The following GRM8 variants were observed in gnomAD, a reference collection of about 807,000 sequenced individuals.
GRM8 encodes the protein glutamate metabotropic receptor 8.
Under a neutral mutation model 87.2 loss-of-function variants are expected in GRM8, and 47 were observed. The observed-to-expected ratio is 0.54, with a 90% CI of 0.43 to 0.69. GRM8 has a LOEUF of 0.69. Ranked by LOEUF, GRM8 falls within the 30% of genes least tolerant of loss-of-function variation. The pLI, the probability that GRM8 is intolerant of heterozygous loss-of-function variation, is 0.00. For synonymous variants in GRM8, 396 were observed against 404.5 expected, an observed-to-expected ratio of 0.98 and a Z score of 0.25; for missense variants, 1,019 against 1,139.2, an observed-to-expected ratio of 0.89 and a Z score of 1.52.
chr7:126,695,679 T>G (rs1809309188), intron 7 of GRM8, among the ~76,000 whole-genome samples: 1 of 152,212 alleles, frequency 6.6e-6, no homozygotes, highest in Non-Finnish European at 1.5e-5. Context: ...ATTAAGGTTT[T>G]TATTCGGCTT....
intron 7 of GRM8, among the ~76,000 whole-genome samples, chr7:126,664,389 C>T (rs1336943928): frequency 1.3e-5 from 2 of 152,144 alleles, no homozygotes; most frequent in Non-Finnish European, 2.9e-5. Context: ...TCAAACTATA[C>T]TTTAAGGCTA....
rs145470618 is a variant in GRM8, at chr7:127,073,753, G to A, written c.727+32743C>T. 3.4e-3 allele frequency among the ~76,000 whole-genome samples: 524 copies of A among 152,224 alleles called. 18 individuals are homozygous for A. Among genetic ancestry groups the A allele is most frequent in the Admixed American group, 0.029 (450 of 15,288 alleles). On this transcript the variant is annotated intron_variant, in intron 3 of 10. Transcript: ENST00000339582. ...GAGCAAGCCACCAGATGGAGGGCTCGAAGAGAGACCCAGCCCCAGAGGATC... is the reference window on the plus strand; with the variant it reads ...GAGCAAGCCACCAGATGGAGGGCTCAAAGAGAGACCCAGCCCCAGAGGATC...
intron 9 of GRM8, among the ~76,000 whole-genome samples, chr7:126,472,785 C>T (rs192416126): frequency 6.6e-6 from 1 of 152,164 alleles, no homozygotes; most frequent in Non-Finnish European, 1.5e-5. Context: ...TGGGCAGAGC[C>T]CAGGGCCCTA....
chr7:127,103,125 G>A (rs1375527577), intron 3 of GRM8, among the ~76,000 whole-genome samples: 4 of 152,188 alleles, frequency 2.6e-5, no homozygotes, highest in Non-Finnish European at 4.4e-5. Context: ...TTACAGGCAT[G>A]AGCCATCACA....
intron 3 of GRM8, among the ~76,000 whole-genome samples, chr7:127,005,674 A>G (rs1032435707): frequency 6.6e-6 from 1 of 151,726 alleles, no homozygotes; most frequent in African/African-American, 2.4e-5. Flanking sequence ...CCTCTCCACG[A>G]CTACTCCATG....
At chr7:126,537,295 CTT>C (rs59527889) in intron 8 of GRM8, among the ~76,000 whole-genome samples, 4,820 of 152,150 alleles carry the variant, frequency 0.032, 171 homozygotes, top group African/African-American at 0.092. Flanking sequence ...ATATGCATGA[CTT>C]AATTTTCATC....
chr7:126,924,308 T>C (rs1804857231), intron 3 of GRM8, among the ~76,000 whole-genome samples: 1 of 152,232 alleles, frequency 6.6e-6, no homozygotes, highest in Non-Finnish European at 1.5e-5. Flanking sequence ...AAATATTCAT[T>C]TTAAATCTCA....
intron 2 of GRM8, among the ~76,000 whole-genome samples, chr7:127,176,945 G>A (rs1794144024): frequency 6.6e-6 from 1 of 152,172 alleles, no homozygotes; most frequent in African/African-American, 2.4e-5. Flanking sequence ...AACTCCACAG[G>A]AGGAAGAAAA....
chr7:126,475,471 CA>C (rs1805789975), intron 9 of GRM8, among the ~76,000 whole-genome samples: 1 of 151,732 alleles, frequency 6.6e-6, no homozygotes, highest in African/African-American at 2.4e-5. Context: ...AAGAAAGACA[CA>C]AAAAAGTTGA....
intron 3 of GRM8, among the ~76,000 whole-genome samples, chr7:127,074,858 C>A (rs921671293): frequency 6.6e-6 from 1 of 152,168 alleles, no homozygotes; most frequent in East Asian, 1.9e-4. Context: ...CAGAGTCAAG[C>A]CCTGCCTAGG....
rs866685778 is a variant in GRM8, at chr7:127,015,058, G to C, written c.727+91438C>G. Among the ~76,000 whole-genome samples the C allele has an allele frequency of 3.5e-4, 38 of 108,462 alleles. 1 individual carries two copies. Among genetic ancestry groups the C allele is most frequent in the African/African-American group, 5.1e-4 (16 of 31,320 alleles). The allele number at this position is 108,462 out of a possible 152,430, so 71.2% of individuals were successfully genotyped here. Reference sequence around the variant, plus strand: ...AGAAGAAGAAGAAGAAGAAGAAGAAGAAGAAGAAGAAAGAAAGAAGGAGAA... The same window carrying C: ...AGAAGAAGAAGAAGAAGAAGAAGAACAAGAAGAAGAAAGAAAGAAGGAGAA... On this transcript the variant is annotated intron_variant, in intron 3 of 10. Coordinates refer to ENST00000339582, the MANE Select transcript of GRM8 (RefSeq NM_000845.3).
At chr7:126,852,958 G>A (rs1297713178) in intron 6 of GRM8, among the ~76,000 whole-genome samples, 1 of 152,116 alleles carries the variant, frequency 6.6e-6, no homozygotes, top group East Asian at 1.9e-4. Context: ...AAATGACTTA[G>A]TGTTGCTCCA....
intron 2 of GRM8, chr7:127,111,311 T>A (rs947196581): frequency 5.5e-4 from 84 of 152,234 alleles, no homozygotes; most frequent in Non-Finnish European, 1.8e-4. Context: ...TAAAATTATA[T>A]TTCAAAAGAA....
At chr7:127,099,289 C>A (rs1824990049) in intron 3 of GRM8, among the ~76,000 whole-genome samples, 1 of 152,138 alleles carries the variant, frequency 6.6e-6, no homozygotes, top group African/African-American at 2.4e-5. Context: ...TCTTAACCAG[C>A]AGCAACTAAG....
At chr7:126,770,455 T>C (rs1004689955) in intron 6 of GRM8, among the ~76,000 whole-genome samples, 19 of 152,084 alleles carry the variant, frequency 1.2e-4, no homozygotes, top group Admixed American at 1.1e-3. Flanking sequence ...CATTTATTAG[T>C]GGCCCAAAGT....
Position 127,243,040 on chromosome 7 carries a change from G to A in GRM8, c.165C>T (p.His55=), listed in dbSNP as rs374655258. Residue 55 remains histidine (H), a synonymous_variant, in exon 2 of 11, where the codon CAC becomes CAT. Transcript: ENST00000339582. ...AAGGCACCCCTCTCTCTCCCTTTGC[G>A]TGGACAGGGAAGAGACCCCCCAAAA... ...DIILGGLFPV[H]AKGERGVPCG... The A allele has an allele frequency of 4.1e-5, 66 of 1,613,496 alleles. No homozygotes were observed. Among genetic ancestry groups the A allele is most frequent in the Middle Eastern group, 1.6e-4 (1 of 6,084 alleles).
At chr7:126,585,357 T>C (rs1358885446) in intron 8 of GRM8, among the ~76,000 whole-genome samples, 1 of 152,190 alleles carries the variant, frequency 6.6e-6, no homozygotes, top group Admixed American at 6.6e-5. Flanking sequence ...GTTATGCTTT[T>C]CGTATCATCA....
intron 3 of GRM8, among the ~76,000 whole-genome samples, chr7:126,960,566 T>C (rs1422364415): frequency 6.6e-6 from 1 of 152,176 alleles, no homozygotes; most frequent in Admixed American, 6.5e-5. Context: ...GGAGATCCTA[T>C]CAGGGGAGAA....
At chr7:126,610,596 T>G (rs1798825519) in intron 7 of GRM8, among the ~76,000 whole-genome samples, 1 of 152,208 alleles carries the variant, frequency 6.6e-6, no homozygotes, top group Admixed American at 6.5e-5. Context: ...ATTCCCATCT[T>G]ATAATGAGCT....
Sources: gnomAD v4.1 joint callset for allele counts (sites outside exome capture counted in the v4.1 genomes callset) on GRCh38, gnomAD v4.1.1 for gene constraint, MANE v1.5 for transcripts, NCBI Gene and HGNC (gene_info 2026-07-23, HGNC 2026-07-21) for gene names.